The following RYR3 variants were observed in gnomAD, a reference collection of about 807,000 sequenced individuals.
RYR3 encodes the protein ryanodine receptor 3.
In RYR3, 207 loss-of-function variants were observed where a neutral mutation model predicts 584.3. The observed-to-expected ratio is 0.35, with a 90% CI of 0.32 to 0.40. The LOEUF (loss-of-function observed/expected upper bound fraction) is 0.40. RYR3 is among the 10% of genes least tolerant of loss of function. The probability of loss-of-function intolerance (pLI) is 1.00; values close to 1 mark genes in which losing one functional copy is unlikely to be tolerated. For missense variants in RYR3, 5,616 were observed against 6,089.2 expected (o/e 0.92, Z 2.59); for synonymous variants, 2,416 against 2,248.5 (o/e 1.07, Z -2.11).
chr15:33,572,655 A>ACG (rs1249936651), intron 12 of RYR3, among the ~76,000 whole-genome samples: 1 of 129,694 alleles, frequency 7.7e-6, no homozygotes, highest in African/African-American at 3.3e-5. Flanking sequence ...AAAAAACTAT[A>ACG]TATACACACA....
At chr15:33,458,872 T>C (rs1439581327) in intron 1 of RYR3, among the ~76,000 whole-genome samples, 1 of 152,210 alleles carries the variant, frequency 6.6e-6, no homozygotes, top group African/African-American at 2.4e-5. Context: ...GATTCTTGAT[T>C]GAAAGGAAAT....
intron 3 of RYR3, among the ~76,000 whole-genome samples, chr15:33,526,909 C>A (rs1378333891): frequency 6.6e-6 from 1 of 152,168 alleles, no homozygotes; most frequent in African/African-American, 2.4e-5. Context: ...GAGAAGAATT[C>A]TCTCATAAGA....
intron 27 of RYR3, among the ~76,000 whole-genome samples, chr15:33,642,929 C>T (rs749891870): frequency 2.6e-5 from 4 of 152,172 alleles, no homozygotes; most frequent in Admixed American, 6.5e-5. Flanking sequence ...GTATTAAACA[C>T]GTCTGTATCC....
Position 33,787,478 on chromosome 15 carries a change from TCTCA to T in RYR3, c.9590-731_9590-728del, listed in dbSNP as rs148062115. ...ATGTAGATTGTCAGTGGTTCACAACTCTCACTCACTCATTTTTTTCTTACAATTA... is the reference window on the plus strand; with the variant it reads ...ATGTAGATTGTCAGTGGTTCACAACTCTCACTCATTTTTTTCTTACAATTA... On this transcript the variant is annotated intron_variant, in intron 66 of 103. Transcript: ENST00000634891. Among the ~76,000 whole-genome samples the T allele has an allele frequency of 1.0e-2, 1,516 of 151,868 alleles. 19 individuals carry two copies. The highest frequency in any genetic ancestry group is 0.034 in the African/African-American group (1,423 of 41,362).
chr15:33,358,773 C>T (rs1420127226), intron 1 of RYR3, among the ~76,000 whole-genome samples: 5 of 151,944 alleles, frequency 3.3e-5, no homozygotes, highest in Non-Finnish European at 1.5e-5. Flanking sequence ...ATGAGACTTA[C>T]AATCTTTTGA....
intron 18 of RYR3, among the ~76,000 whole-genome samples, chr15:33,604,654 G>T (rs2059823869): frequency 6.6e-6 from 1 of 152,188 alleles, no homozygotes; most frequent in African/African-American, 2.4e-5. Flanking sequence ...GTCATGTGAA[G>T]GGAAAGTCTT....
At chr15:33,360,403 T>A (rs1389871485) in intron 1 of RYR3, among the ~76,000 whole-genome samples, 1 of 152,210 alleles carries the variant, frequency 6.6e-6, no homozygotes, top group Admixed American at 6.5e-5. Flanking sequence ...GATTTCTTTT[T>A]CTCAGCATAA....
intron 10 of RYR3, among the ~76,000 whole-genome samples, chr15:33,557,717 A>T (rs1467752997): frequency 2.0e-5 from 3 of 152,168 alleles, no homozygotes; most frequent in African/African-American, 7.2e-5. Flanking sequence ...TTCCAGGAAT[A>T]TTAAACCAAT....
chr15:33,713,640 C>T (rs962115092), intron 43 of RYR3, among the ~76,000 whole-genome samples: 8 of 152,136 alleles, frequency 5.3e-5, no homozygotes, highest in Non-Finnish European at 7.4e-5. Context: ...AGGGAAGCAT[C>T]TTAGTCTGTT....
At chr15:33,398,346 G>A (rs192555435) in intron 1 of RYR3, among the ~76,000 whole-genome samples, 2 of 152,298 alleles carry the variant, frequency 1.3e-5, no homozygotes, top group Admixed American at 6.5e-5. Context: ...TAAGCAGTGC[G>A]AGGAACTCCT....
intron 59 of RYR3, among the ~76,000 whole-genome samples, chr15:33,756,968 G>A (rs1050290689): frequency 6.6e-6 from 1 of 152,150 alleles, no homozygotes; most frequent in East Asian, 1.9e-4. Context: ...TGCCTGGGTG[G>A]CTCTCTATCC....
intron 2 of RYR3, among the ~76,000 whole-genome samples, chr15:33,480,012 A>T (rs919080498): frequency 6.6e-6 from 1 of 152,208 alleles, no homozygotes; most frequent in African/African-American, 2.4e-5. Flanking sequence ...AAGGGATCTA[A>T]GGCAGATTAT....
At chr15:33,545,756 T>C (rs1436046147) in intron 8 of RYR3, among the ~76,000 whole-genome samples, 1 of 152,100 alleles carries the variant, frequency 6.6e-6, no homozygotes, top group African/African-American at 2.4e-5. Flanking sequence ...GGGAGCATGA[T>C]AGAATAGGAA....
At chr15:33,788,022 A>G (rs1413016690) in intron 66 of RYR3, among the ~76,000 whole-genome samples, 196 bp from the exon 67 acceptor site, 1 of 152,218 alleles carries the variant, frequency 6.6e-6, no homozygotes, top group Non-Finnish European at 1.5e-5. Flanking sequence ...ACCTTCTCCC[A>G]TAGTGGCCTC....
At position 33,813,472 on chromosome 15, in the gene RYR3, A is replaced by G. The variant is rs1351585232; in HGVS notation, c.10395A>G (p.Glu3465=). ...CCGATGTGATCTCTTCTCAGGTGGA[A>G]CAGCCTTTGAGGTCCAAGAAGGCCG... ...SAAVFHLEQV[E]QPLRSKKAVW... Residue 3465 remains glutamate, a synonymous_variant, in exon 74 of 104, where the codon GAA becomes GAG. Transcript: ENST00000634891. 1.2e-6 allele frequency: 2 copies of G among 1,613,572 alleles called. No homozygotes were observed. The highest frequency in any genetic ancestry group is 1.1e-5 in the South Asian group (1 of 91,064).
At chr15:33,406,334 C>G (rs1159780776) in intron 1 of RYR3, among the ~76,000 whole-genome samples, 2 of 152,162 alleles carry the variant, frequency 1.3e-5, no homozygotes, top group African/African-American at 2.4e-5. Context: ...CTCCCTTGGA[C>G]CAAATGTTTG....
chr15:33,852,944 C>G, intron 94 of RYR3, 101 bp from the exon 95 acceptor site: 1 of 1,024,674 alleles, frequency 9.8e-7, no homozygotes, highest in Admixed American at 2.1e-5. Context: ...GGACACAAAC[C>G]AGAAAGATCC....
intron 76 of RYR3, among the ~76,000 whole-genome samples, chr15:33,819,463 G>A (rs1341123618): frequency 4.6e-5 from 7 of 152,016 alleles, no homozygotes; most frequent in Non-Finnish European, 1.0e-4. Context: ...CTTGAGGTCA[G>A]GAGTTTGAGA....
intron 74 of RYR3, chr15:33,816,053 C>G: frequency 2.5e-6 from 1 of 393,406 alleles, no homozygotes; most frequent in Non-Finnish European, 4.5e-6. Context: ...TCTGATTGGT[C>G]AGACTTGAAG....
Sources: gnomAD v4.1 joint callset for allele counts (sites outside exome capture counted in the v4.1 genomes callset) on GRCh38, gnomAD v4.1.1 for gene constraint, MANE v1.5 for transcripts, NCBI Gene and HGNC (gene_info 2026-07-23, HGNC 2026-07-21) for gene names.